The following HS6ST3 variants were observed in gnomAD, a reference collection of about 807,000 sequenced individuals.
HS6ST3 encodes heparan-sulfate 6-O-sulfotransferase 3.
HS6ST3 carries 12 observed loss-of-function variants against 36.7 expected under a neutral mutation model. That is an observed-to-expected ratio of 0.33 (90% CI 0.21 to 0.53). HS6ST3 has a LOEUF of 0.53. Among genes scored for constraint, HS6ST3 ranks in the 20% least tolerant of loss-of-function variants. The pLI is 0.95. For synonymous variants in HS6ST3, 240 were observed against 257.5 expected (o/e 0.93, Z 0.65); for missense variants, 584 against 640.9 (o/e 0.91, Z 0.96).
chr13:96,281,240 G>A (rs367822704), intron 1 of HS6ST3, among the ~76,000 whole-genome samples: 1 of 152,078 alleles, frequency 6.6e-6, no homozygotes, highest in East Asian at 1.9e-4. Flanking sequence ...TCTTGACCTC[G>A]TGATCTGCCC....
At chr13:96,412,067 C>A (rs28622381) in intron 1 of HS6ST3, among the ~76,000 whole-genome samples, 1 of 151,874 alleles carries the variant, frequency 6.6e-6, no homozygotes, top group Admixed American at 6.6e-5. Flanking sequence ...TGCAGTGGTG[C>A]GATCTCGGCT....
At chr13:96,756,988 G>A (rs569862153) in intron 1 of HS6ST3, among the ~76,000 whole-genome samples, 1 of 152,300 alleles carries the variant, frequency 6.6e-6, no homozygotes, top group African/African-American at 2.4e-5. Flanking sequence ...CTTCTGCTTA[G>A]TGTCTCCCAA....
chr13:96,161,740 T>TA (rs1322520893), intron 1 of HS6ST3, among the ~76,000 whole-genome samples: 1 of 152,158 alleles, frequency 6.6e-6, no homozygotes, highest in Non-Finnish European at 1.5e-5. Context: ...ATATCTGTGC[T>TA]AACAGAAGAA....
At chr13:96,499,448 C>T (rs1234133132) in intron 1 of HS6ST3, among the ~76,000 whole-genome samples, 1 of 152,150 alleles carries the variant, frequency 6.6e-6, no homozygotes, top group Non-Finnish European at 1.5e-5. Flanking sequence ...GAGGAGCTTA[C>T]ATTCTAGCAG....
At position 96,786,849 on chromosome 13, in the gene HS6ST3, T is replaced by C. The variant is rs56708063; in HGVS notation, c.708-45641T>C. ...CTGAGATGCAGAACAGTTCCATAAT[T>C]CCCAAAATCTCCCTCATGCTACCCT... On this transcript the variant is annotated intron_variant, in intron 1 of 1. Transcript: ENST00000376705. Among the ~76,000 whole-genome samples the C allele has an allele frequency of 7.7e-3, 1,026 of 133,756 alleles. 10 individuals carry two copies. The highest frequency in any genetic ancestry group is 0.028 in the African/African-American group (987 of 35,328). 87.7% of individuals were successfully genotyped at this position (133,756 alleles called of 152,430 possible).
chr13:96,658,386 T>C (rs1594829484), intron 1 of HS6ST3, among the ~76,000 whole-genome samples: 4 of 150,558 alleles, frequency 2.7e-5, no homozygotes, highest in Admixed American at 1.3e-4. Context: ...GTTTAAGTGA[T>C]TCTTCTGCCT....
intron 1 of HS6ST3, among the ~76,000 whole-genome samples, chr13:96,495,063 G>A (rs941802406): frequency 6.6e-6 from 1 of 151,856 alleles, no homozygotes; most frequent in Non-Finnish European, 1.5e-5. Flanking sequence ...CTCTTATTCT[G>A]TCTTGACATC....
intron 1 of HS6ST3, among the ~76,000 whole-genome samples, chr13:96,131,656 A>G (rs185601168): frequency 1.6e-4 from 24 of 151,796 alleles, no homozygotes; most frequent in African/African-American, 4.3e-4. Context: ...TATTCCTCCC[A>G]TCTAATTGAA....
intron 1 of HS6ST3, among the ~76,000 whole-genome samples, chr13:96,826,498 G>A (rs1878650740): frequency 1.3e-5 from 2 of 152,040 alleles, no homozygotes; most frequent in African/African-American, 4.8e-5. Flanking sequence ...CTAAGGTAAG[G>A]TTATCAAAAA....
intron 1 of HS6ST3, among the ~76,000 whole-genome samples, chr13:96,400,528 G>T (rs2055445919): frequency 6.6e-6 from 1 of 152,126 alleles, no homozygotes; most frequent in Admixed American, 6.5e-5. Context: ...AATTAGAGAG[G>T]TGATAACAGG....
At chr13:96,698,290 G>C (rs1875186978) in intron 1 of HS6ST3, among the ~76,000 whole-genome samples, 1 of 152,086 alleles carries the variant, frequency 6.6e-6, no homozygotes, top group Non-Finnish European at 1.5e-5. Flanking sequence ...GTGAGAGCAT[G>C]TGGTGTTTGT....
At chr13:96,604,732 C>T (rs995991215) in intron 1 of HS6ST3, among the ~76,000 whole-genome samples, 2 of 152,176 alleles carry the variant, frequency 1.3e-5, no homozygotes, top group Non-Finnish European at 2.9e-5. Context: ...TGCACATGCA[C>T]ATCTGCACAC....
At position 96,358,887 on chromosome 13, in the gene HS6ST3, T is replaced by G. The variant is rs1479624327; in HGVS notation, c.707+267318T>G. On this transcript the variant is annotated intron_variant, in intron 1 of 1. Coordinates refer to ENST00000376705, the MANE Select transcript of HS6ST3 (RefSeq NM_153456.4). ...TATATATAATCTATCTATCTATCTA[T>G]CTATCTATCTATCTATCTATCTATC... is the stretch of plus-strand genomic sequence containing the variant. Among the ~76,000 whole-genome samples the G allele has an allele frequency of 2.0e-5, 3 of 151,934 alleles. 1 individual carries two copies. Among genetic ancestry groups the G allele is most frequent in the Middle Eastern group, 6.3e-3 (2 of 316 alleles).
intron 1 of HS6ST3, among the ~76,000 whole-genome samples, chr13:96,731,708 G>C (rs1389601696): frequency 1.3e-5 from 2 of 151,874 alleles, no homozygotes; most frequent in African/African-American, 2.4e-5. Flanking sequence ...TCCCAGGCTG[G>C]AGTGCAGTAG....
chr13:96,677,284 A>G (rs891902285), intron 1 of HS6ST3, among the ~76,000 whole-genome samples: 1 of 152,146 alleles, frequency 6.6e-6, no homozygotes, highest in Non-Finnish European at 1.5e-5. Context: ...AGATAAAAAT[A>G]CATTAAAAGA....
In HS6ST3 at chr13:96,812,154, C is replaced by A. The variant is rs116085073; in HGVS notation, c.708-20336C>A. 7.2e-3 allele frequency among the ~76,000 whole-genome samples: 1,101 copies of A among 152,284 alleles called. 9 individuals are homozygous for A. The highest frequency in any genetic ancestry group is 0.024 in the African/African-American group (1,001 of 41,548). On this transcript the variant is annotated intron_variant, in intron 1 of 1. Coordinates refer to ENST00000376705, the MANE Select transcript of HS6ST3 (RefSeq NM_153456.4). ...TCCTCCATTGCCTCAATCTGCCACC[C>A]ACACAAGATGTTTGTTTGTATAGAA... is the stretch of plus-strand genomic sequence containing the variant.
intron 1 of HS6ST3, among the ~76,000 whole-genome samples, chr13:96,502,337 T>G (rs898786088): frequency 2.0e-5 from 3 of 150,362 alleles, no homozygotes; most frequent in African/African-American, 7.3e-5. Context: ...CCTGTGCCTG[T>G]GTCTATAAGT....
At chr13:96,593,786 C>A (rs1438997029) in intron 1 of HS6ST3, among the ~76,000 whole-genome samples, 1 of 151,668 alleles carries the variant, frequency 6.6e-6, no homozygotes, top group African/African-American at 2.4e-5. Flanking sequence ...TAATGAAATT[C>A]TTTGTCTCTT....
intron 1 of HS6ST3, among the ~76,000 whole-genome samples, chr13:96,258,676 G>C: frequency 6.6e-6 from 1 of 152,124 alleles, no homozygotes; most frequent in East Asian, 1.9e-4. Context: ...ATGCCTTTTT[G>C]TTAGTATATC....
Sources: allele counts gnomAD v4.1 joint callset (sites outside exome capture counted in the v4.1 genomes callset), GRCh38; gene constraint gnomAD v4.1.1; transcripts MANE v1.5; gene names NCBI Gene and HGNC (gene_info 2026-07-23, HGNC 2026-07-21).